Variants in CDH4 observed in about 807,000 individuals in gnomAD.
CDH4 encodes cadherin 4.
A neutral mutation model predicts 86.0 loss-of-function variants in CDH4; 33 were observed. That is an observed-to-expected ratio of 0.38 (90% CI 0.29 to 0.51). The LOEUF (loss-of-function observed/expected upper bound fraction) is 0.51. CDH4 is among the 20% of genes least tolerant of loss of function. The pLI, the probability that CDH4 is intolerant of heterozygous loss-of-function variation, is 0.86. For missense variants in CDH4, 1,114 were observed against 1,307.4 expected (o/e 0.85, Z 2.28); for synonymous variants, 555 against 549.4 (o/e 1.01, Z -0.14).
intron 4 of CDH4, among the ~76,000 whole-genome samples, chr20:61,775,190 A>C (rs1367908594): frequency 6.6e-6 from 1 of 152,160 alleles, no homozygotes; most frequent in South Asian, 2.1e-4. Flanking sequence ...AGAGAAAAGC[A>C]TAAGGTGAGA....
At chr20:61,316,822 C>T (rs900697461) in intron 2 of CDH4, among the ~76,000 whole-genome samples, 11 of 152,086 alleles carry the variant, frequency 7.2e-5, no homozygotes, top group Admixed American at 7.2e-4. Flanking sequence ...GCCTGGCCAC[C>T]CTTTTTGTTT....
intron 2 of CDH4, among the ~76,000 whole-genome samples, chr20:61,444,010 G>C (rs1485101126): frequency 3.3e-5 from 5 of 150,798 alleles, no homozygotes; most frequent in African/African-American, 1.2e-4. Flanking sequence ...GTCTATATCT[G>C]TGTGTGTCTG....
intron 4 of CDH4, among the ~76,000 whole-genome samples, chr20:61,793,337 A>C (rs980370650): frequency 9.2e-5 from 14 of 152,226 alleles, no homozygotes; most frequent in South Asian, 2.1e-4. Flanking sequence ...CGACAAAAAA[A>C]ACAACTTAGA....
intron 2 of CDH4, among the ~76,000 whole-genome samples, chr20:61,621,347 C>T (rs927139709): frequency 2.0e-5 from 3 of 152,204 alleles, no homozygotes; most frequent in Non-Finnish European, 4.4e-5. Context: ...CTGCTGACAG[C>T]GAACATGCCT....
chr20:61,298,319 G>T (rs990001840), intron 2 of CDH4, among the ~76,000 whole-genome samples: 12 of 151,972 alleles, frequency 7.9e-5, no homozygotes, highest in African/African-American at 2.7e-4. Flanking sequence ...GGGATTAGAC[G>T]GAAGTGCACA....
chr20:61,637,068 T>A (rs915828179), intron 2 of CDH4, among the ~76,000 whole-genome samples: 3 of 152,192 alleles, frequency 2.0e-5, no homozygotes, highest in African/African-American at 7.2e-5. Context: ...TTTGGGGTTT[T>A]TGTTTGTTTT....
intron 3 of CDH4, among the ~76,000 whole-genome samples, chr20:61,757,235 C>A (rs1042064549): frequency 1.1e-5 from 1 of 93,054 alleles, no homozygotes; most frequent in African/African-American, 3.9e-5. Context: ...GAACACAGAC[C>A]CCCCCCCCAG....
intron 2 of CDH4, among the ~76,000 whole-genome samples, chr20:61,405,779 C>T (rs936445412): frequency 2.6e-5 from 4 of 152,018 alleles, no homozygotes; most frequent in Non-Finnish European, 4.4e-5. Flanking sequence ...CTGCAAGCTC[C>T]GCCTCCCTGG....
chr20:61,426,274 G>A (rs1486765633), intron 2 of CDH4, among the ~76,000 whole-genome samples: 1 of 152,068 alleles, frequency 6.6e-6, no homozygotes, highest in East Asian at 1.9e-4. Flanking sequence ...ATTTTGCTTG[G>A]AAAAACACTC....
intron 2 of CDH4, among the ~76,000 whole-genome samples, chr20:61,631,900 C>A (rs951838087): frequency 2.0e-5 from 3 of 152,242 alleles, no homozygotes; most frequent in Non-Finnish European, 4.4e-5. Context: ...CTGCAGACCA[C>A]AAGACGGCGC....
chr20:61,259,853 G>T (rs547516798), intron 2 of CDH4, among the ~76,000 whole-genome samples: 33 of 152,252 alleles, frequency 2.2e-4, no homozygotes, highest in African/African-American at 7.9e-4. Flanking sequence ...TTTTATTCTT[G>T]ATAACAAGGA....
intron 2 of CDH4, chr20:61,435,751 A>T (rs931397626): frequency 3.9e-5 from 6 of 152,286 alleles, no homozygotes; most frequent in Non-Finnish European, 7.3e-5. Context: ...GACGTCCTGC[A>T]GTCAGCTCAC....
chr20:61,831,584 G>A (rs1321037090), intron 4 of CDH4, among the ~76,000 whole-genome samples: 2 of 152,228 alleles, frequency 1.3e-5, no homozygotes, highest in African/African-American at 4.8e-5. Context: ...CCTGAACCAT[G>A]CAGCAGGTCC....
chr20:61,776,969 T>A (rs2088849741), intron 4 of CDH4, among the ~76,000 whole-genome samples: 1 of 152,238 alleles, frequency 6.6e-6, no homozygotes, highest in Admixed American at 6.5e-5. Context: ...GAGATCAGCC[T>A]GTGTCCTTTC....
At position 61,518,402 on chromosome 20, in the gene CDH4, T is replaced by C. The variant is rs560090619; in HGVS notation, c.170-225161T>C. Among the ~76,000 whole-genome samples the C allele has an allele frequency of 6.6e-6, 1 of 152,166 alleles. No individual in the cohort carries two copies. The highest frequency in any genetic ancestry group is 2.4e-5 in the African/African-American group (1 of 41,450). ...TGGAATTTGGCCAAATTCTCTGTTATGATGAGGCTGTCCATCATCCATCTG... is the reference window on the plus strand; with the variant it reads ...TGGAATTTGGCCAAATTCTCTGTTACGATGAGGCTGTCCATCATCCATCTG... On this transcript the variant is annotated intron_variant, in intron 2 of 15. Transcript: ENST00000614565. The surrounding 1 kb of genome is among the most constrained non-coding windows in gnomAD (Gnocchi z 6.3).
At chr20:61,735,373 C>A (rs185294379) in intron 2 of CDH4, among the ~76,000 whole-genome samples, 24 of 152,348 alleles carry the variant, frequency 1.6e-4, no homozygotes, top group African/African-American at 5.8e-4. Flanking sequence ...GCCACCGTCA[C>A]CCCAAGGGAA....
intron 6 of CDH4, among the ~76,000 whole-genome samples, chr20:61,865,581 G>A (rs575850294): frequency 6.6e-6 from 1 of 151,930 alleles, no homozygotes; most frequent in East Asian, 1.9e-4. Context: ...GTAGATGATA[G>A]GTCGCTTCCT....
intron 2 of CDH4, among the ~76,000 whole-genome samples, chr20:61,533,107 C>G (rs970416188): frequency 6.6e-6 from 1 of 151,958 alleles, no homozygotes; most frequent in Non-Finnish European, 1.5e-5. Flanking sequence ...GAGTGAAAGC[C>G]GAGGAGAAGG....
chr20:61,426,931 T>G (rs377446721), intron 2 of CDH4, among the ~76,000 whole-genome samples: 15 of 152,364 alleles, frequency 9.8e-5, no homozygotes, highest in South Asian at 6.2e-4. Context: ...CTGGGCTAAT[T>G]GTTAGTAATT....
Sources: allele counts gnomAD v4.1 joint callset (sites outside exome capture counted in the v4.1 genomes callset), GRCh38; gene constraint gnomAD v4.1.1; non-coding constraint Gnocchi (gnomAD v3.1); transcripts MANE v1.5; gene names NCBI Gene and HGNC (gene_info 2026-07-23, HGNC 2026-07-21).